The following RRN3 variants were observed in gnomAD, a reference collection of about 807,000 sequenced individuals.
The protein encoded by RRN3 is RNA polymerase I-specific transcription initiation factor RRN3.
Under a neutral mutation model 82.3 loss-of-function variants are expected in RRN3, and 38 were observed. That is an observed-to-expected ratio of 0.46 (90% CI 0.36 to 0.61). The LOEUF (loss-of-function observed/expected upper bound fraction) is 0.61, where lower values mean the gene tolerates loss of function less well. Among genes scored for constraint, RRN3 ranks in the 20% least tolerant of loss-of-function variants. RRN3 has a pLI of 0.00. For synonymous variants in RRN3, 284 were observed against 284.3 expected, an observed-to-expected ratio of 1.00 and a Z score of 0.01; for missense variants, 726 against 793.1, an observed-to-expected ratio of 0.92 and a Z score of 1.02.
At chr16:15,074,993 T>C (rs778851796) in intron 10 of RRN3, 132 bp from the exon 11 acceptor site, 40 of 897,500 alleles carry the variant, frequency 4.5e-5, no homozygotes, top group Non-Finnish European at 6.2e-5. Context: ...CTCACATCTA[T>C]AAGCCCAGCA....
Position 15,073,071 on chromosome 16 carries a change from T to C in RRN3, c.1007A>G (p.Asp336Gly). 1 of 1,610,696 alleles carries C rather than the reference T, an allele frequency of 6.2e-7. No individual in the cohort carries two copies. The highest frequency in any genetic ancestry group is 2.2e-5 in the East Asian group (1 of 44,870). Residue 336 changes from aspartate (D) to glycine (G), a missense_variant, in exon 12 of 18, where the codon GAT (aspartate) becomes GGT (glycine). Physicochemically the swap from Asp to Gly is moderately conservative, Grantham distance 94 (BLOSUM62 -1). This residue lies in a region of RRN3 where 344 missense variants were observed against 394.5 expected (regional missense o/e 0.87). Coordinates refer to ENST00000198767, the MANE Select transcript of RRN3 (RefSeq NM_018427.5). The stretch of plus-strand genomic sequence containing the variant: ...ATATAGATCCTTTGTTTTGCCGTTA[T>C]CAACCTTACCTATGGAGAAAATCTG... ...KDVCYVDGKV[D>G]NGKTKDLYRD...
intron 12 of RRN3, among the ~76,000 whole-genome samples, chr16:15,072,344 C>A (rs1470949085): frequency 6.6e-6 from 1 of 151,980 alleles, no homozygotes; most frequent in Non-Finnish European, 1.5e-5. Flanking sequence ...CAACTCAACC[C>A]TTGGAAAGAA....
intron 1 of RRN3, 132 bp downstream of exon 1, chr16:15,094,013 G>A (rs1230456202): frequency 2.5e-5 from 19 of 769,610 alleles, no homozygotes; most frequent in African/African-American, 5.3e-5. Context: ...TTCTGTGAAC[G>A]TGAGATGACC....
chr16:15,066,844 T>G (rs1465862579), intron 15 of RRN3, among the ~76,000 whole-genome samples: 1 of 151,866 alleles, frequency 6.6e-6, no homozygotes, highest in Non-Finnish European at 1.5e-5. Context: ...GCAGAGACTT[T>G]TATTTCAATC....
chr16:15,094,095 G>T lies in RRN3; in HGVS notation c.89+50C>A, dbSNP rs745777797. 6 of 1,501,962 alleles carry T rather than the reference G, an allele frequency of 4.0e-6. No individual in the cohort carries two copies. In the East Asian group the frequency reaches 1.4e-4, roughly 36 times the overall value. The allele number at this position is 1,501,962 out of a possible 1,614,324, so 93.0% of individuals were successfully genotyped here. The stretch of plus-strand genomic sequence containing the variant: ...CTTTCAATCCGCTCCTCTAAGCGCC[G>T]TCCTGAGCTTTCGTCCCAGATACGC... On this transcript the variant is annotated intron_variant, in intron 1 of 17. Coordinates refer to ENST00000198767, the MANE Select transcript of RRN3 (RefSeq NM_018427.5).
At position 15,089,967 on chromosome 16, in the gene RRN3, G is replaced by C. The variant is rs1323565983; in HGVS notation, c.252+1348C>G. ...CTCACACTTGTAATCCCAGCACTTT[G>C]GGAGGCCAAGGCGGGCAGGTCACCT... On this transcript the variant is annotated intron_variant, in intron 3 of 17. Transcript: ENST00000198767. Among the ~76,000 whole-genome samples, 3 of 151,914 alleles carry C rather than the reference G, an allele frequency of 2.0e-5. No individual in the cohort carries two copies. In the East Asian group the frequency reaches 5.8e-4, roughly 30 times the overall value.
At chr16:15,063,704 C>CAAAAAAAAAAAAAAAAAAAAAA (rs10664930) in intron 16 of RRN3, among the ~76,000 whole-genome samples, 1 of 89,130 alleles carries the variant, frequency 1.1e-5, no homozygotes, top group Non-Finnish European at 2.0e-5. Flanking sequence ...GACTCTGTCT[C>CAAAAAAAAAAAAAAAAAAAAAA]AAAAAAAAAA....
At chr16:15,081,842 G>A (rs2045717642) in intron 8 of RRN3, among the ~76,000 whole-genome samples, 1 of 152,076 alleles carries the variant, frequency 6.6e-6, no homozygotes, top group African/African-American at 2.4e-5. Flanking sequence ...TTTTAAATAT[G>A]GATATCCATA....
intron 12 of RRN3, among the ~76,000 whole-genome samples, chr16:15,072,101 T>C (rs953268725): frequency 1.3e-5 from 2 of 152,082 alleles, no homozygotes; most frequent in Admixed American, 6.5e-5. Flanking sequence ...CAACTTCTCC[T>C]AAATAGCGCT....
chr16:15,073,645 G>A (rs748378764), intron 11 of RRN3, among the ~76,000 whole-genome samples: 3 of 152,154 alleles, frequency 2.0e-5, no homozygotes, highest in Non-Finnish European at 4.4e-5. Flanking sequence ...CATTCGTGTA[G>A]CAAAAGACCT....
At chr16:15,083,734 G>A (rs921995662) in intron 7 of RRN3, 152 bp from the exon 8 acceptor site, 157 of 1,097,398 alleles carry the variant, frequency 1.4e-4, no homozygotes, top group Non-Finnish European at 2.0e-4. Flanking sequence ...TTTGTTTTTT[G>A]AGACGGAGTT....
chr16:15,071,565 C>T (rs1276924674), intron 12 of RRN3, among the ~76,000 whole-genome samples: 1 of 152,098 alleles, frequency 6.6e-6, no homozygotes, highest in Non-Finnish European at 1.5e-5. Context: ...GTCAGGAGCT[C>T]GAGACCAGCC....
chr16:15,088,168 G>A (rs1331591280), intron 3 of RRN3, among the ~76,000 whole-genome samples: 1 of 152,012 alleles, frequency 6.6e-6, no homozygotes, highest in South Asian at 2.1e-4. Context: ...CTTTAGTACT[G>A]AACTATTATT....
At position 15,061,119 on chromosome 16, in the gene RRN3, C is replaced by T. The variant is rs1015052165; in HGVS notation, c.*625G>A. 2.0e-5 allele frequency: 3 copies of T among 152,192 alleles called. No homozygotes were observed. Among genetic ancestry groups the T allele is most frequent in the African/African-American group, 7.2e-5 (3 of 41,428 alleles). 9.4% of individuals were successfully genotyped at this position (152,192 alleles called of 1,614,324 possible). A position where few individuals can be genotyped will look rare whatever the true frequency, so the allele number is the denominator to read the frequency against. ...CTCTTCCCTATGGGCTTTTATTGGT[C>T]TCTGAAGTCCCTGGAGATCTTCAGT... is the stretch of plus-strand genomic sequence containing the variant. On this transcript the variant is annotated 3_prime_UTR_variant, in exon 18 of 18. Coordinates refer to ENST00000198767, the MANE Select transcript of RRN3 (RefSeq NM_018427.5).
chr16:15,072,259 A>AAG (rs2045267787), intron 12 of RRN3, among the ~76,000 whole-genome samples: 2 of 151,456 alleles, frequency 1.3e-5, no homozygotes, highest in Non-Finnish European at 2.9e-5. Context: ...AAAAAAAAAA[A>AAG]AAGAAGAAGA....
At chr16:15,080,539 T>C (rs2045656399) in intron 8 of RRN3, among the ~76,000 whole-genome samples, 1 of 152,154 alleles carries the variant, frequency 6.6e-6, no homozygotes, top group Non-Finnish European at 1.5e-5. Flanking sequence ...GGATAAGCAA[T>C]CCTTCCTCCT....
At chr16:15,083,415 A>G in intron 8 of RRN3, 98 bp downstream of exon 8, 2 of 1,541,562 alleles carry the variant, frequency 1.3e-6, no homozygotes. Context: ...GAAAAAGAAA[A>G]AGAAAGACTG....
intron 2 of RRN3, among the ~76,000 whole-genome samples, 188 bp from the exon 3 acceptor site, chr16:15,091,559 T>A (rs1438734354): frequency 6.6e-6 from 1 of 151,596 alleles, no homozygotes; most frequent in Non-Finnish European, 1.5e-5. Flanking sequence ...GCCAGAGGGC[T>A]TGGAAAAAGG....
At chr16:15,073,294 A>G (rs1397283221) in intron 11 of RRN3, among the ~76,000 whole-genome samples, 2 of 152,128 alleles carry the variant, frequency 1.3e-5, no homozygotes, top group African/African-American at 4.8e-5. Context: ...CTCTGTCTCT[A>G]CAAAAAATCA....
Sources: gnomAD v4.1 joint callset for allele counts (sites outside exome capture counted in the v4.1 genomes callset) on GRCh38, gnomAD v4.1.1 for gene constraint, gnomAD v4.1.1 regional missense constraint, MANE v1.5 for transcripts, NCBI Gene and HGNC (gene_info 2026-07-23, HGNC 2026-07-21) for gene names.